DBH: variants seen among roughly 807,000 people sequenced by gnomAD.
DBH encodes dopamine beta-hydroxylase (dopamine beta-monooxygenase).
A neutral mutation model predicts 64.0 loss-of-function variants in DBH; 49 were observed. The observed-to-expected ratio is 0.77, with a 90% CI of 0.61 to 0.97. DBH has a LOEUF of 0.97. Ranked by LOEUF, DBH falls within the 50% of genes least tolerant of loss-of-function variation. The pLI is 0.00. For synonymous variants in DBH, 343 were observed against 347.1 expected (o/e 0.99, Z 0.13); for missense variants, 828 against 826.6 (o/e 1.00, Z -0.02).
At position 133,643,493 on chromosome 9, in the gene DBH, C is replaced by A; in HGVS notation, c.825C>A (p.Ser275Arg). Residue 275 changes from serine (S) to arginine (R), a missense_variant, in exon 4 of 12, where the codon AGC becomes AGA. Transcript: ENST00000393056. The surrounding 1 kb of genome is among the most constrained non-coding windows in gnomAD (Gnocchi z 5.3). ...EVFQCAPEMD[S>R]VPHFSGPCDS... ...TCCAGTGCGCCCCCGAGATGGACAGCGTCCCCCACTTCAGCGGGCCCTGCG... is the reference window on the plus strand; with the variant it reads ...TCCAGTGCGCCCCCGAGATGGACAGAGTCCCCCACTTCAGCGGGCCCTGCG... The A allele has an allele frequency of 6.2e-7, 1 of 1,613,862 alleles. No homozygotes were observed. The highest frequency in any genetic ancestry group is 8.5e-7 in the Non-Finnish European group (1 of 1,179,934).
chr9:133,656,702 C>T, intron 10 of DBH, 52 bp downstream of exon 10: 1 of 1,604,636 alleles, frequency 6.2e-7, no homozygotes, highest in Admixed American at 1.7e-5. Flanking sequence ...CGACACAGAA[C>T]CTCGGGCCTG....
At chr9:133,649,620 C>G (rs557837263) in intron 6 of DBH, among the ~76,000 whole-genome samples, 1 of 152,392 alleles carries the variant, frequency 6.6e-6, no homozygotes, top group South Asian at 2.1e-4. Context: ...TCTCAGCCGG[C>G]ATGGCACCCA....
chr9:133,652,831 C>A (rs1832267072), intron 8 of DBH, 109 bp from the exon 9 acceptor site: 6 of 786,588 alleles, frequency 7.6e-6, no homozygotes, highest in African/African-American at 5.1e-5. Context: ...GGGACTGTAC[C>A]CCAGAGGTGC....
intron 11 of DBH, 21 bp from the exon 12 acceptor site, chr9:133,658,295 C>T (rs768314534): frequency 1.2e-6 from 2 of 1,613,648 alleles, no homozygotes; most frequent in Non-Finnish European, 8.5e-7. Flanking sequence ...CTCAGTTTAC[C>T]TCCTGCCCCC....
At chr9:133,649,581 G>A (rs1032414445) in intron 6 of DBH, among the ~76,000 whole-genome samples, 4 of 152,254 alleles carry the variant, frequency 2.6e-5, no homozygotes, top group Admixed American at 2.0e-4. Flanking sequence ...TCCAAGCAAA[G>A]GTTCCTCAAG....
chr9:133,644,131 GC>G lies in DBH; in HGVS notation c.922-83del, dbSNP rs145707800. 359 of 975,680 alleles carry G rather than the reference GC, an allele frequency of 3.7e-4. No homozygotes were observed. In the African/African-American group the frequency reaches 5.1e-3, roughly 14 times the overall value. The allele number at this position is 975,680 out of a possible 1,614,324, so 60.4% of individuals were successfully genotyped here. ...CCCCTCCACCACCCCTGAGGCTCAG[GC>G]CCCAACAGTTGACTGGGTTTGCCCC... On this transcript the variant is annotated intron_variant, in intron 4 of 11. Transcript: ENST00000393056.
At chr9:133,656,492 CCGGGGCTGA>C in intron 9 of DBH, 22 bp from the exon 10 acceptor site, 1 of 1,613,364 alleles carries the variant, frequency 6.2e-7, no homozygotes. Flanking sequence ...GTGGCATGGC[CCGGGGCTGA>C]CGGGTCTCCT....
Position 133,643,777 on chromosome 9 carries a change from C to CT in DBH, c.921+196dup, listed in dbSNP as rs1008836112. 5.9e-5 allele frequency among the ~76,000 whole-genome samples: 9 copies of CT among 152,058 alleles called. No individual in the cohort carries two copies. Among genetic ancestry groups the CT allele is most frequent in the Non-Finnish European group, 1.0e-4 (7 of 67,994 alleles). On this transcript the variant is annotated intron_variant, in intron 4 of 11. Transcript: ENST00000393056. This position sits in a 1 kb window ranked among gnomAD's most constrained non-coding sequence, Gnocchi z 5.3. ...CTGTGATGTCTGAAATGCTTCAAGCCTTTTTTTTATTTTCCACAGAAACGC... is the reference window on the plus strand; with the variant it reads ...CTGTGATGTCTGAAATGCTTCAAGCCTTTTTTTTTATTTTCCACAGAAACGC...
At chr9:133,647,603 CTCTT>C (rs1216247287) in intron 5 of DBH, among the ~76,000 whole-genome samples, 5 of 152,216 alleles carry the variant, frequency 3.3e-5, no homozygotes, top group South Asian at 2.1e-4. Flanking sequence ...GAAACAGCAG[CTCTT>C]TCTTCCCAGT....
Position 133,636,647 on chromosome 9 carries a change from T to C in DBH, c.276T>C (p.Arg92=), listed in dbSNP as rs1447985427. 1 of 1,612,322 alleles carries C rather than the reference T, an allele frequency of 6.2e-7. No individual in the cohort carries two copies. The highest frequency in any genetic ancestry group is 1.1e-5 in the South Asian group (1 of 91,072). The change falls in exon 1 of 12, where the codon CGT becomes CGC. Residue 92 remains arginine, a synonymous_variant. Transcript: ENST00000393056. ...GCGTCCTGTTTGGGATGTCCGACCG[T>C]GGCGAGCTTGAGAACGCAGATCTCG... The part of the protein sequence containing the change: ...KAGVLFGMSD[R]GELENADLVV...
At chr9:133,641,086 T>C (rs1564208577) in intron 2 of DBH, among the ~76,000 whole-genome samples, 1 of 152,120 alleles carries the variant, frequency 6.6e-6, no homozygotes. Flanking sequence ...AATATGATTC[T>C]CACACAAGCG....
intron 9 of DBH, among the ~76,000 whole-genome samples, chr9:133,654,196 C>T (rs1009499146): frequency 1.1e-4 from 16 of 152,104 alleles, no homozygotes; most frequent in Non-Finnish European, 2.4e-4. Context: ...CTCCACCTCC[C>T]GAGTTCAACC....
chr9:133,656,658 C>G lies in DBH; in HGVS notation c.1562+8C>G, dbSNP rs539297617. The G allele has an allele frequency of 2.5e-5, 40 of 1,611,338 alleles. No individual in the cohort carries two copies. In the South Asian group the frequency reaches 3.6e-4, roughly 15 times the overall value. The stretch of plus-strand genomic sequence containing the variant: ...CTTCCACCTCATCAACAGGTGAGGG[C>G]TCCCTGCACAAGCTCCCTGCCCCCA... On this transcript the variant is annotated splice_region_variant and intron_variant, in intron 10 of 11. Coordinates refer to ENST00000393056, the MANE Select transcript of DBH (RefSeq NM_000787.4).
In DBH at chr9:133,648,026, G is replaced by A; in HGVS notation, c.1191+14G>A. 6.2e-7 allele frequency: 1 copy of A among 1,607,744 alleles called. No homozygotes were observed. The highest frequency in any genetic ancestry group is 8.5e-7 in the Non-Finnish European group (1 of 1,178,404). On this transcript the variant is annotated intron_variant, in intron 6 of 11. Coordinates refer to ENST00000393056, the MANE Select transcript of DBH (RefSeq NM_000787.4). ...TGCACCCAGCTGGTGAGTGGGGCTG[G>A]GCCCGGCACTGCACCCTCCCTCCTC...
In DBH at chr9:133,643,527, A is replaced by T. The variant is rs768695436; in HGVS notation, c.859A>T (p.Met287Leu). The change falls in exon 4 of 12, where the codon ATG (methionine) becomes TTG (leucine). Residue 287 changes from methionine to leucine, a missense_variant. Physicochemically the swap from Met to Leu is conservative, Grantham distance 15. Transcript: ENST00000393056. This position sits in a 1 kb window ranked among gnomAD's most constrained non-coding sequence, Gnocchi z 5.3. ...PHFSGPCDSKMKPDRLNYCRH... is the reference protein window; with the variant it reads ...PHFSGPCDSKLKPDRLNYCRH... The stretch of plus-strand genomic sequence containing the variant: ...CTTCAGCGGGCCCTGCGACTCCAAG[A>T]TGAAACCCGACCGCCTCAACTACTG... 5.0e-6 allele frequency: 8 copies of T among 1,612,920 alleles called. No homozygotes were observed. The African/African-American group carries it at 1.1e-4, about 22-fold the overall frequency.
intron 3 of DBH, among the ~76,000 whole-genome samples, chr9:133,642,824 C>T (rs1177461897): frequency 6.6e-6 from 1 of 152,230 alleles, no homozygotes; most frequent in Non-Finnish European, 1.5e-5. Flanking sequence ...CTCGAACACC[C>T]GTCCGGGGAA....
Position 133,639,705 on chromosome 9 carries a change from T to A in DBH, c.340-141T>A, listed in dbSNP as rs1357066780. On this transcript the variant is annotated intron_variant, in intron 1 of 11. Transcript: ENST00000393056. ...GAAGCCACAGCCCCAGGCAGAACCC[T>A]CAGATCCACAGGGACTGAGGCCCAG... 3 of 899,984 alleles carry A rather than the reference T, an allele frequency of 3.3e-6. No individual in the cohort carries two copies. In the East Asian group the frequency reaches 8.0e-5, roughly 24 times the overall value. 55.7% of individuals were successfully genotyped at this position (899,984 alleles called of 1,614,324 possible). A position where few individuals can be genotyped will look rare whatever the true frequency, so the allele number is the denominator to read the frequency against.
At chr9:133,642,076 C>T in intron 2 of DBH, 131 bp from the exon 3 acceptor site, 3 of 1,298,302 alleles carry the variant, frequency 2.3e-6, no homozygotes, top group Admixed American at 1.8e-5. Context: ...CTCAAGGGTC[C>T]CTTATTCACA....
At chr9:133,636,754 C>T (rs775766965) in intron 1 of DBH, 44 bp downstream of exon 1, 53 of 1,557,082 alleles carry the variant, frequency 3.4e-5, no homozygotes, top group Middle Eastern at 3.3e-4. Context: ...CTTCCTGACC[C>T]GGCACCCCAT....
Sources: gnomAD v4.1 joint callset for allele counts (sites outside exome capture counted in the v4.1 genomes callset) on GRCh38, gnomAD v4.1.1 for gene constraint, Gnocchi (gnomAD v3.1) non-coding constraint, MANE v1.5 for transcripts, NCBI Gene and HGNC (gene_info 2026-07-23, HGNC 2026-07-21) for gene names.